The following C14orf132 variants were observed in gnomAD, a reference collection of about 807,000 sequenced individuals.
C14orf132 encodes uncharacterized protein C14orf132.
A neutral mutation model predicts 5.8 loss-of-function variants in C14orf132; 6 were observed. The ratio of observed to expected loss-of-function variants is 1.03; its 90% CI spans 0.57 to 2.04. The LOEUF (loss-of-function observed/expected upper bound fraction) is 2.04. Among genes scored for constraint, C14orf132 ranks in the 30% most tolerant of loss-of-function variants. C14orf132 has a pLI of 0.00. For missense variants in C14orf132, 125 were observed against 115.8 expected (o/e 1.08, Z -0.37); for synonymous variants, 51 against 49.8 (o/e 1.02, Z -0.10).
In C14orf132 at chr14:96,092,191, A is replaced by T. The variant is rs953510049; in HGVS notation, c.*5456A>T. On this transcript the variant is annotated 3_prime_UTR_variant, in exon 2 of 2. Coordinates refer to ENST00000555004, the MANE Select transcript of C14orf132 (RefSeq NM_001252507.3). ...GAAAAGAGCAGAGAATGACGTGGAC[A>T]TTGGTCCTCGGAGAGGCTGCGTAGG... is the stretch of plus-strand genomic sequence containing the variant. 6.6e-6 allele frequency: 1 copy of T among 152,376 alleles called. No homozygotes were observed. The highest frequency in any genetic ancestry group is 1.9e-4 in the East Asian group (1 of 5,190). 9.4% of individuals were successfully genotyped at this position (152,376 alleles called of 1,614,324 possible). A position where few individuals can be genotyped will look rare whatever the true frequency, so the allele number is the denominator to read the frequency against.
chr14:96,039,532 C>T lies in C14orf132; in HGVS notation c.27+5C>T, dbSNP rs1209521277. The T allele has an allele frequency of 1.3e-6, 2 of 1,502,170 alleles. No individual in the cohort carries two copies. Among genetic ancestry groups the T allele is most frequent in the East Asian group, 2.7e-5 (1 of 37,332 alleles). The allele number at this position is 1,502,170 out of a possible 1,614,324, so 93.1% of individuals were successfully genotyped here. A position where few individuals can be genotyped will look rare whatever the true frequency, so the allele number is the denominator to read the frequency against. ...CTCTCCTTTATGGCCGCGCAGGTAA[C>T]GGGGCGTCCCCCCCACGCGCCCCGG... On this transcript the variant is annotated splice_donor_5th_base_variant and intron_variant, in intron 1 of 1. Coordinates refer to ENST00000555004, the MANE Select transcript of C14orf132 (RefSeq NM_001252507.3). The surrounding 1 kb of genome is among the most constrained non-coding windows in gnomAD (Gnocchi z 5.3).
intron 1 of C14orf132, among the ~76,000 whole-genome samples, chr14:96,086,294 G>A (rs377658615): frequency 1.3e-4 from 20 of 152,252 alleles, no homozygotes; most frequent in Middle Eastern, 3.4e-3. Flanking sequence ...TCATAGTAGC[G>A]TGGGCATGAG....
intron 1 of C14orf132, among the ~76,000 whole-genome samples, chr14:96,081,177 A>C (rs1182947131): frequency 1.3e-5 from 2 of 152,230 alleles, no homozygotes; most frequent in Non-Finnish European, 2.9e-5. Flanking sequence ...AAATCCATGC[A>C]TAGTACATGG....
chr14:96,061,465 G>T (rs866781966), intron 1 of C14orf132, among the ~76,000 whole-genome samples: 21 of 152,174 alleles, frequency 1.4e-4, no homozygotes, highest in Admixed American at 3.9e-4. Context: ...AAACGTGGCT[G>T]CCTGGAGAGC....
At chr14:96,053,891 T>G (rs1166415757) in intron 1 of C14orf132, among the ~76,000 whole-genome samples, 1 of 152,132 alleles carries the variant, frequency 6.6e-6, no homozygotes, top group Non-Finnish European at 1.5e-5. Context: ...AGCAGAACAC[T>G]AAAGCGTCTG....
At chr14:96,073,733 G>T (rs918535440) in intron 1 of C14orf132, among the ~76,000 whole-genome samples, 1 of 152,128 alleles carries the variant, frequency 6.6e-6, no homozygotes, top group Non-Finnish European at 1.5e-5. Flanking sequence ...AAAGATACAT[G>T]CATGTGTATG....
chr14:96,048,355 TC>T (rs1046691163), intron 1 of C14orf132, among the ~76,000 whole-genome samples: 1 of 152,100 alleles, frequency 6.6e-6, no homozygotes, highest in African/African-American at 2.4e-5. Flanking sequence ...TGCCTCTCCC[TC>T]CCCTTAACTC....
chr14:96,041,096 A>G (rs1316086628), intron 1 of C14orf132, among the ~76,000 whole-genome samples: 2 of 152,156 alleles, frequency 1.3e-5, no homozygotes, highest in African/African-American at 4.8e-5. Context: ...TTTTTTGTTT[A>G]CAATTCACAT....
chr14:96,085,987 G>T lies in C14orf132; in HGVS notation c.28-524G>T, dbSNP rs201857936. Among the ~76,000 whole-genome samples the T allele has an allele frequency of 3.0e-3, 382 of 125,282 alleles. 1 individual carries two copies. The highest frequency in any genetic ancestry group is 3.9e-3 in the Non-Finnish European group (235 of 60,638). 82.2% of individuals were successfully genotyped at this position (125,282 alleles called of 152,430 possible). On this transcript the variant is annotated intron_variant, in intron 1 of 1. Transcript: ENST00000555004. ...TCTCACTCTGTCTCTCTCTCTCTCT[G>T]TCACACACACACACACACACACACA...
At chr14:96,078,076 C>T (rs971964429) in intron 1 of C14orf132, among the ~76,000 whole-genome samples, 1 of 152,256 alleles carries the variant, frequency 6.6e-6, no homozygotes, top group African/African-American at 2.4e-5. Context: ...CCCGCTGCAT[C>T]CTCATGTGCT....
intron 1 of C14orf132, among the ~76,000 whole-genome samples, chr14:96,080,475 A>G (rs1005660852): frequency 2.6e-5 from 4 of 152,194 alleles, no homozygotes; most frequent in African/African-American, 7.2e-5. Flanking sequence ...ATCACAAGCC[A>G]TCACAATCAC....
Position 96,093,893 on chromosome 14 carries a change from C to T in C14orf132, c.*7158C>T, listed in dbSNP as rs1166994793. On this transcript the variant is annotated 3_prime_UTR_variant, in exon 2 of 2. Coordinates refer to ENST00000555004, the MANE Select transcript of C14orf132 (RefSeq NM_001252507.3). ...AGAGAAAAGAAGAAAACATGAACTC[C>T]TCTGTGTCTGGTTCTCATCTGTGCT... The T allele has an allele frequency of 1.3e-5, 2 of 152,178 alleles. No individual in the cohort carries two copies. The highest frequency in any genetic ancestry group is 4.8e-5 in the African/African-American group (2 of 41,430). 9.4% of individuals were successfully genotyped at this position (152,178 alleles called of 1,614,324 possible).
In C14orf132 at chr14:96,088,713, G is replaced by A. The variant is rs1345256852; in HGVS notation, c.*1978G>A. 1 of 152,266 alleles carries A rather than the reference G, an allele frequency of 6.6e-6. No individual in the cohort carries two copies. The highest frequency in any genetic ancestry group is 2.4e-5 in the African/African-American group (1 of 41,460). 9.4% of individuals were successfully genotyped at this position (152,266 alleles called of 1,614,324 possible). On this transcript the variant is annotated 3_prime_UTR_variant, in exon 2 of 2. Coordinates refer to ENST00000555004, the MANE Select transcript of C14orf132 (RefSeq NM_001252507.3). ...TCCCTCTGGCCCCACATCCCTAGGA[G>A]GGCCTGACCCCTGTAAAGATACAGG...
chr14:96,087,999 G>C lies in C14orf132; in HGVS notation c.*1264G>C, dbSNP rs1482295926. ...AAGGCAGCATCCCAGTGCAGATAGA[G>C]TGGGAAAGGTCCCAGAAGGGGGCTC... On this transcript the variant is annotated 3_prime_UTR_variant, in exon 2 of 2. Transcript: ENST00000555004. The C allele has an allele frequency of 7.1e-6, 1 of 141,672 alleles. No homozygotes were observed. Among genetic ancestry groups the C allele is most frequent in the Non-Finnish European group, 1.5e-5 (1 of 66,064 alleles). 8.8% of individuals were successfully genotyped at this position (141,672 alleles called of 1,614,324 possible).
intron 1 of C14orf132, among the ~76,000 whole-genome samples, chr14:96,050,581 C>A (rs1377862949): frequency 6.6e-6 from 1 of 152,092 alleles, no homozygotes; most frequent in Non-Finnish European, 1.5e-5. Flanking sequence ...CCCCAGGGTT[C>A]TCTCTGTGGG....
intron 1 of C14orf132, chr14:96,051,088 C>T (rs1389697068): frequency 2.5e-6 from 1 of 398,364 alleles, no homozygotes; most frequent in Non-Finnish European, 4.4e-6. Context: ...TCCCAAATGC[C>T]ACAAAATGTG....
chr14:96,057,694 G>T (rs1887222244), intron 1 of C14orf132, among the ~76,000 whole-genome samples: 1 of 152,196 alleles, frequency 6.6e-6, no homozygotes, highest in African/African-American at 2.4e-5. Context: ...GATGAATGAT[G>T]TCTATTGGTC....
chr14:96,068,229 G>A (rs1205973153), intron 1 of C14orf132, among the ~76,000 whole-genome samples: 3 of 152,220 alleles, frequency 2.0e-5, no homozygotes, highest in Non-Finnish European at 4.4e-5. Flanking sequence ...TAATGAAAGA[G>A]CAGATTATGT....
intron 1 of C14orf132, among the ~76,000 whole-genome samples, chr14:96,081,335 G>C (rs558572710): frequency 3.3e-5 from 5 of 152,148 alleles, no homozygotes; most frequent in Non-Finnish European, 5.9e-5. Flanking sequence ...TATTTCCTCT[G>C]TTTTTAACTG....
Sources: allele counts gnomAD v4.1 joint callset (sites outside exome capture counted in the v4.1 genomes callset), GRCh38; gene constraint gnomAD v4.1.1; non-coding constraint Gnocchi (gnomAD v3.1); transcripts MANE v1.5; gene names NCBI Gene and HGNC (gene_info 2026-07-23, HGNC 2026-07-21).